DUSP11: variants seen among roughly 807,000 people sequenced by gnomAD.
DUSP11 encodes the protein RNA/RNP complex-1-interacting phosphatase.
A neutral mutation model predicts 41.4 loss-of-function variants in DUSP11; 27 were observed. The ratio of observed to expected loss-of-function variants is 0.65; its 90% CI spans 0.48 to 0.90. DUSP11 has a LOEUF of 0.90. DUSP11 is among the 40% of genes least tolerant of loss of function. DUSP11 has a pLI of 0.00. For missense variants in DUSP11, 465 were observed against 461.1 expected, an observed-to-expected ratio of 1.01 and a Z score of -0.08; for synonymous variants, 188 against 159.3, an observed-to-expected ratio of 1.18 and a Z score of -1.35.
chr2:73,774,997 A>C, exon 3 of DUSP11: 1 of 1,612,934 alleles, frequency 6.2e-7, no homozygotes, highest in Non-Finnish European at 8.5e-7. Flanking sequence ...TGTTAAAAAG[A>C]TCCAAAGGGG....
At chr2:73,774,592 A>T (rs914325035) in intron 3 of DUSP11, among the ~76,000 whole-genome samples, 16 of 152,114 alleles carry the variant, frequency 1.1e-4, no homozygotes, top group African/African-American at 3.9e-4. Flanking sequence ...TGTCTCTGTG[A>T]ATTTGTCTAT....
rs1452647798 is a variant in DUSP11 at position 73,779,752 on chromosome 2, G to A, written c.242+122C>T. ...TGGCGCAGAGGGTCAAAGCCTCAAA[G>A]CAAGCGGCGGACAAGTCAAGCTTGC... On this transcript the variant is annotated intron_variant, in intron 1 of 8. Transcript: ENST00000272444. The A allele has an allele frequency of 6.8e-6, 10 of 1,477,504 alleles. No homozygotes were observed. The East Asian group carries it at 2.3e-4, about 34-fold the overall frequency. 91.5% of individuals were successfully genotyped at this position (1,477,504 alleles called of 1,614,324 possible).
intron 2 of DUSP11, among the ~76,000 whole-genome samples, chr2:73,776,935 G>C (rs996296810): frequency 2.0e-5 from 3 of 152,158 alleles, no homozygotes; most frequent in Admixed American, 6.5e-5. Flanking sequence ...TCCACCCTTA[G>C]AGTATCACAC....
chr2:73,778,388 A>AT lies in DUSP11; in HGVS notation c.243-13dup. On this transcript the variant is annotated splice_polypyrimidine_tract_variant and intron_variant, in intron 1 of 8. Coordinates refer to ENST00000272444, the Ensembl canonical transcript of DUSP11. ...GATAGTCTTTCCACCTATTAGATAT[A>AT]TTTTTTGTTAGCCAAATTGTATGTT... 1 of 1,475,194 alleles carries AT rather than the reference A, an allele frequency of 6.8e-7. No homozygotes were observed. 91.4% of individuals were successfully genotyped at this position (1,475,194 alleles called of 1,614,324 possible). A position where few individuals can be genotyped will look rare whatever the true frequency, so the allele number is the denominator to read the frequency against.
At chr2:73,767,330 T>C in intron 5 of DUSP11, 123 bp from the exon 6 acceptor site, 1 of 744,988 alleles carries the variant, frequency 1.3e-6, no homozygotes, top group Non-Finnish European at 2.3e-6. Context: ...TATCAGCACA[T>C]CAAATCCAGC....
chr2:73,770,187 C>CAA (rs70965756), intron 4 of DUSP11, among the ~76,000 whole-genome samples: 11 of 90,580 alleles, frequency 1.2e-4, no homozygotes, highest in African/African-American at 3.0e-4. Context: ...CCCAGCTACT[C>CAA]AAAAAAAAAA....
At chr2:73,779,798 G>A in intron 1 of DUSP11, 76 bp downstream of exon 1, 1 of 1,585,114 alleles carries the variant, frequency 6.3e-7, no homozygotes. Context: ...GCGAGAGGCA[G>A]AGACCACAAA....
chr2:73,776,921 T>C (rs898919085), intron 2 of DUSP11, among the ~76,000 whole-genome samples: 1 of 152,224 alleles, frequency 6.6e-6, no homozygotes, highest in Non-Finnish European at 1.5e-5. Context: ...ATATATAACA[T>C]GTATCCACCC....
chr2:73,780,063 G>C, exon 1 of DUSP11: 1 of 1,605,804 alleles, frequency 6.2e-7, no homozygotes, highest in East Asian at 2.2e-5. Flanking sequence ...CCCTAAACAG[G>C]AAAAGACTCG....
intron 8 of DUSP11, among the ~76,000 whole-genome samples, chr2:73,765,358 C>A (rs1250612766): frequency 6.6e-6 from 1 of 152,204 alleles, no homozygotes; most frequent in Non-Finnish European, 1.5e-5. Context: ...CAACCCTTAC[C>A]AGATTCCCAG....
At chr2:73,763,975 T>C (rs967714504) in intron 8 of DUSP11, among the ~76,000 whole-genome samples, 3 of 152,226 alleles carry the variant, frequency 2.0e-5, no homozygotes, top group Non-Finnish European at 2.9e-5. Context: ...GTTAGAAATA[T>C]AGCAGCTACA....
intron 4 of DUSP11, among the ~76,000 whole-genome samples, chr2:73,770,166 G>C (rs1230109414): frequency 1.4e-5 from 2 of 146,432 alleles, no homozygotes; most frequent in Non-Finnish European, 3.0e-5. Context: ...ATTGTGGCGG[G>C]AGCCTATAAT....
Position 73,770,512 on chromosome 2 carries a change from C to G in DUSP11, c.575-1187G>C, listed in dbSNP as rs2103936838. Among the ~76,000 whole-genome samples, 4 of 144,356 alleles carry G rather than the reference C, an allele frequency of 2.8e-5. No homozygotes were observed. The Middle Eastern group carries it at 0.011, about 407-fold the overall frequency. 94.7% of individuals were successfully genotyped at this position (144,356 alleles called of 152,430 possible). A position where few individuals can be genotyped will look rare whatever the true frequency, so the allele number is the denominator to read the frequency against. ...CTTTGGCGACAGAGTGAGACTCCAT[C>G]TCAAAAAAAAAAAAAAGAAAGAAAA... On this transcript the variant is annotated intron_variant, in intron 4 of 8. Transcript: ENST00000272444.
exon 1 of DUSP11, chr2:73,779,888 G>A: frequency 6.2e-7 from 1 of 1,614,204 alleles, no homozygotes; most frequent in South Asian, 1.1e-5. Context: ...CGGGGATGTG[G>A]TTTCCGCCCT....
chr2:73,779,856 G>C lies in DUSP11; in HGVS notation c.242+18C>G, dbSNP rs878949555. 1.2e-6 allele frequency: 2 copies of C among 1,612,736 alleles called. No homozygotes were observed. The highest frequency in any genetic ancestry group is 2.2e-5 in the East Asian group (1 of 44,852). Reference sequence around the variant, plus strand: ...CCACGAGCTGGAAAGGCCACGCCAAGGGACCAAGACATACTACCTTTCGGG... The same window carrying C: ...CCACGAGCTGGAAAGGCCACGCCAACGGACCAAGACATACTACCTTTCGGG... On this transcript the variant is annotated intron_variant, in intron 1 of 8. Coordinates refer to ENST00000272444, the Ensembl canonical transcript of DUSP11.
chr2:73,771,942 C>T (rs1322003110), intron 4 of DUSP11, among the ~76,000 whole-genome samples: 3 of 151,222 alleles, frequency 2.0e-5, no homozygotes, highest in Non-Finnish European at 4.4e-5. Flanking sequence ...TGCCTCAGCC[C>T]CCCGAGTAGC....
At chr2:73,778,315 C>G in exon 2 of DUSP11, 1 of 1,568,614 alleles carries the variant, frequency 6.4e-7, no homozygotes, top group Non-Finnish European at 8.6e-7. Context: ...TGCAAAGGAA[C>G]TTTGAAAGCA....
chr2:73,778,994 A>C (rs550830272), intron 1 of DUSP11, among the ~76,000 whole-genome samples: 2 of 151,878 alleles, frequency 1.3e-5, no homozygotes, highest in South Asian at 4.1e-4. Context: ...CTAAAAATAC[A>C]AAAAAAATTA....
chr2:73,771,701 A>C (rs1573181517), intron 4 of DUSP11, among the ~76,000 whole-genome samples: 2 of 139,250 alleles, frequency 1.4e-5, no homozygotes, highest in East Asian at 2.1e-4. Flanking sequence ...ATGGGGTTTC[A>C]CCATGTTAGT....
Sources: gnomAD v4.1 joint callset for allele counts (sites outside exome capture counted in the v4.1 genomes callset) on GRCh38, gnomAD v4.1.1 for gene constraint, MANE v1.5 for transcripts, NCBI Gene and HGNC (gene_info 2026-07-23, HGNC 2026-07-21) for gene names.